LUC7L: variants seen among roughly 807,000 people sequenced by gnomAD.
LUC7L encodes LUC7 like, also known as putative RNA-binding protein Luc7-like 1.
Under a neutral mutation model 51.1 loss-of-function variants are expected in LUC7L, and 29 were observed. That is an observed-to-expected ratio of 0.57 (90% CI 0.42 to 0.77). The LOEUF is 0.77. Among genes scored for constraint, LUC7L ranks in the 30% least tolerant of loss-of-function variants. The probability of loss-of-function intolerance (pLI) is 0.00; values close to 1 mark genes in which losing one functional copy is unlikely to be tolerated. For missense variants in LUC7L, 403 were observed against 511.9 expected, an observed-to-expected ratio of 0.79 and a Z score of 2.05; for synonymous variants, 181 against 180.7, an observed-to-expected ratio of 1.00 and a Z score of -0.01.
chr16:220,662 A>C lies in LUC7L; in HGVS notation c.242T>G (p.Phe81Cys), dbSNP rs2049939438. ...AATAAAACTTACATCTAATTCAAAAAACAGGTCTCTTTCTTTACTTGCAAT... is the reference window on the plus strand; with the variant it reads ...AATAAAACTTACATCTAATTCAAAACACAGGTCTCTTTCTTTACTTGCAAT... The part of the protein sequence containing the change: ...YEIASKERDL[F>C]FELDAMDHLE... The change falls in exon 3 of 10, where the codon TTT becomes TGT. Residue 81 changes from phenylalanine to cysteine, a missense_variant. Phe to Cys is a radical substitution (Grantham distance 205). Transcript: ENST00000293872. 1 of 1,612,368 alleles carries C rather than the reference A, an allele frequency of 6.2e-7. No individual in the cohort carries two copies. The highest frequency in any genetic ancestry group is 8.5e-7 in the Non-Finnish European group (1 of 1,178,820).
intron 3 of LUC7L, among the ~76,000 whole-genome samples, chr16:212,843 T>G (rs2049683484): frequency 6.6e-6 from 1 of 151,816 alleles, no homozygotes; most frequent in South Asian, 2.1e-4. Flanking sequence ...AGTGGCACGA[T>G]CACGGCTCAC....
At chr16:194,453 T>C (rs1273714429) in intron 6 of LUC7L, among the ~76,000 whole-genome samples, 1 of 152,242 alleles carries the variant, frequency 6.6e-6, no homozygotes, top group Non-Finnish European at 1.5e-5. Context: ...TAAGTGGTGC[T>C]ATACTTCTAA....
At chr16:227,360 A>G (rs2142127987) in intron 1 of LUC7L, 24 bp from the exon 2 acceptor site, 2 of 1,584,060 alleles carry the variant, frequency 1.3e-6, no homozygotes, top group Non-Finnish European at 1.7e-6. Flanking sequence ...GTGGTTTTAA[A>G]TAAGACAATA....
intron 3 of LUC7L, chr16:209,852 C>T (rs375983462): frequency 5.3e-5 from 8 of 152,220 alleles, no homozygotes; most frequent in South Asian, 4.1e-4. Flanking sequence ...TTTTCAAAAA[C>T]ATGCATACTT....
intron 7 of LUC7L, among the ~76,000 whole-genome samples, chr16:191,833 G>C (rs1310175257): frequency 2.0e-5 from 3 of 152,164 alleles, no homozygotes; most frequent in Admixed American, 6.6e-5. Flanking sequence ...GACAGAGCGA[G>C]ACCCTGTCTC....
At chr16:200,416 G>GAAAAAAAAAA (rs577587041) in intron 5 of LUC7L, among the ~76,000 whole-genome samples, 1 of 119,114 alleles carries the variant, frequency 8.4e-6, no homozygotes. Flanking sequence ...CGTCTCAAAA[G>GAAAAAAAAAA]AAAAAAAAAA....
Position 229,449 on chromosome 16 carries a change from T to C in LUC7L, c.-110A>G. The stretch of plus-strand genomic sequence containing the variant: ...TCGGCCTCGAGCCCACTCGGCTCTT[T>C]CCCGCCGCGGGGGACGCCGGGAGGA... On this transcript the variant is annotated 5_prime_UTR_variant, in exon 1 of 10. Coordinates refer to ENST00000293872, the MANE Select transcript of LUC7L (RefSeq NM_201412.3). 1.0e-6 allele frequency: 1 copy of C among 981,940 alleles called. No individual in the cohort carries two copies. The highest frequency in any genetic ancestry group is 3.8e-5 in the Admixed American group (1 of 26,290). The allele number at this position is 981,940 out of a possible 1,614,324, so 60.8% of individuals were successfully genotyped here.
intron 3 of LUC7L, among the ~76,000 whole-genome samples, chr16:211,799 T>C (rs755950937): frequency 9.9e-5 from 15 of 152,040 alleles, no homozygotes; most frequent in Non-Finnish European, 2.1e-4. Flanking sequence ...CTGGACAATA[T>C]CAGCACACGT....
At chr16:222,860 C>CCA (rs2050012500) in intron 2 of LUC7L, among the ~76,000 whole-genome samples, 1 of 149,800 alleles carries the variant, frequency 6.7e-6, no homozygotes, top group Non-Finnish European at 1.5e-5. Flanking sequence ...GAACTGCTGA[C>CCA]CTCAGGTGAT....
At chr16:222,729 C>G (rs560744583) in intron 2 of LUC7L, among the ~76,000 whole-genome samples, 2 of 151,072 alleles carry the variant, frequency 1.3e-5, no homozygotes, top group South Asian at 4.2e-4. Flanking sequence ...CTCCCAGGTT[C>G]AAGCGATTCT....
At chr16:199,029 T>G (rs777641331) in intron 6 of LUC7L, 33 bp downstream of exon 6, 1 of 1,564,088 alleles carries the variant, frequency 6.4e-7, no homozygotes, top group South Asian at 1.2e-5. Flanking sequence ...ACCCCAAGAC[T>G]CCTCAGCTTT....
intron 2 of LUC7L, among the ~76,000 whole-genome samples, chr16:224,301 C>G (rs1390244386): frequency 6.6e-6 from 1 of 150,908 alleles, no homozygotes; most frequent in Non-Finnish European, 1.5e-5. Context: ...GGCGGATCAC[C>G]TTAGGTCAGA....
chr16:190,782 A>C, intron 7 of LUC7L: 1 of 554,122 alleles, frequency 1.8e-6, no homozygotes, highest in East Asian at 3.0e-5. Flanking sequence ...CAGGAGACTG[A>C]GGCAGGAAAA....
At chr16:216,771 T>C (rs1453221280) in intron 3 of LUC7L, among the ~76,000 whole-genome samples, 1 of 152,132 alleles carries the variant, frequency 6.6e-6, no homozygotes, top group Non-Finnish European at 1.5e-5. Context: ...CTCTTGTATA[T>C]TGTACATTTT....
intron 3 of LUC7L, among the ~76,000 whole-genome samples, chr16:213,785 G>A (rs2049710714): frequency 6.6e-6 from 1 of 152,040 alleles, no homozygotes; most frequent in Admixed American, 6.6e-5. Flanking sequence ...CGCAATCTCG[G>A]CTCACCGCAA....
intron 3 of LUC7L, among the ~76,000 whole-genome samples, chr16:215,341 C>A (rs1407884745): frequency 6.6e-6 from 1 of 151,962 alleles, no homozygotes; most frequent in Non-Finnish European, 1.5e-5. Flanking sequence ...AAAAATTGGG[C>A]CGGGCGCGGT....
At chr16:206,890 TAAAAAAAAAAAA>T (rs67775388) in intron 4 of LUC7L, among the ~76,000 whole-genome samples, 4 of 99,558 alleles carry the variant, frequency 4.0e-5, no homozygotes, top group Non-Finnish European at 7.7e-5. Flanking sequence ...CCATCTTTAT[TAAAAAAAAAAAA>T]AAAAAAAAAA....
chr16:212,538 T>C (rs1053736064), intron 3 of LUC7L, among the ~76,000 whole-genome samples: 1 of 152,094 alleles, frequency 6.6e-6, no homozygotes, highest in African/African-American at 2.4e-5. Context: ...CTCAAGACAT[T>C]TGACCTAGAA....
chr16:229,045 A>T, intron 1 of LUC7L: 1 of 1,420,782 alleles, frequency 7.0e-7, no homozygotes, highest in Non-Finnish European at 9.2e-7. Context: ...AAGGAGGCTG[A>T]AGCCCCATCC....
Sources: gnomAD v4.1 joint callset for allele counts (sites outside exome capture counted in the v4.1 genomes callset) on GRCh38, gnomAD v4.1.1 for gene constraint, MANE v1.5 for transcripts, NCBI Gene and HGNC (gene_info 2026-07-23, HGNC 2026-07-21) for gene names.